Variants in DNAH9 observed in about 807,000 individuals in gnomAD.
DNAH9 encodes the protein dynein axonemal heavy chain 9, also known as DNAH9 variant protein.
In DNAH9, 345 loss-of-function variants were observed where a neutral mutation model predicts 471.6. The ratio of observed to expected loss-of-function variants is 0.73; its 90% CI spans 0.67 to 0.80. The LOEUF is 0.80. DNAH9 is among the 30% of genes least tolerant of loss of function. The pLI is 0.00. For synonymous variants in DNAH9, 2,093 were observed against 2,123.6 expected (o/e 0.99, Z 0.40); for missense variants, 5,407 against 5,609.2 (o/e 0.96, Z 1.15).
chr17:11,883,478 C>G, intron 55 of DNAH9, 108 bp from the exon 56 acceptor site: 2 of 1,383,712 alleles, frequency 1.4e-6, no homozygotes. Flanking sequence ...CATTCTGCCT[C>G]CACTTTACTA....
In DNAH9 at chr17:11,892,234, T is replaced by G. The variant is rs1243950926; in HGVS notation, c.11283+287T>G. On this transcript the variant is annotated intron_variant, in intron 58 of 68. Transcript: ENST00000262442. The surrounding 1 kb of genome is among the most constrained non-coding windows in gnomAD (Gnocchi z 4.3). ...CACTCCAGCAGCCACTACCAATCAA[T>G]CAAAACTGGCACTGAAGATGAAACT... 6.6e-6 allele frequency among the ~76,000 whole-genome samples: 1 copy of G among 152,140 alleles called. No individual in the cohort carries two copies. Among genetic ancestry groups the G allele is most frequent in the African/African-American group, 2.4e-5 (1 of 41,422 alleles).
chr17:11,882,061 A>G (rs1363257325), intron 55 of DNAH9, among the ~76,000 whole-genome samples: 1 of 152,262 alleles, frequency 6.6e-6, no homozygotes, highest in East Asian at 1.9e-4. Context: ...ACTAGGTCCA[A>G]CAGTGTTAGG....
intron 39 of DNAH9, among the ~76,000 whole-genome samples, chr17:11,781,725 G>A (rs983938283): frequency 3.4e-4 from 51 of 151,876 alleles, no homozygotes; most frequent in Non-Finnish European, 4.0e-4. Flanking sequence ...CCAGCTACTC[G>A]GGAGGCTGAG....
rs558183570 is a variant in DNAH9, at chr17:11,608,202, G to A, written c.491G>A (p.Arg164Gln). Residue 164 changes from arginine (R) to glutamine (Q), a missense_variant, in exon 2 of 69, where the codon CGG becomes CAG. Physicochemically the swap from Arg to Gln is conservative, Grantham distance 43 (BLOSUM62 1). Coordinates refer to ENST00000262442, the MANE Select transcript of DNAH9 (RefSeq NM_001372.4). ...CACATGATATGTGAGGATGTCAGGC[G>A]GCACGCCCACAGCCTCCAATGTGAC... ...WPHMICEDVRRHAHSLQCDLS... is the reference protein window; with the variant it reads ...WPHMICEDVRQHAHSLQCDLS... 185 of 1,613,904 alleles carry A rather than the reference G, an allele frequency of 1.1e-4. 1 individual carries two copies. Among genetic ancestry groups the A allele is most frequent in the South Asian group, 5.7e-4 (52 of 91,058 alleles).
rs1194655834 is a variant in DNAH9 at position 11,693,969 on chromosome 17, G to A, written c.4716G>A (p.Leu1572=). Residue 1572 remains leucine (L), a synonymous_variant, in exon 21 of 69, where the codon CTG becomes CTA. Transcript: ENST00000262442. ...TGCAAACCACCAACAAGCCAGGCCT[G>A]TATGAAAAGCTGGAGGATATTCAGG... The part of the protein sequence containing the change: ...NVVQTTNKPG[L]YEKLEDIQGR... 2 of 1,614,166 alleles carry A rather than the reference G, an allele frequency of 1.2e-6. No individual in the cohort carries two copies. The highest frequency in any genetic ancestry group is 1.3e-5 in the African/African-American group (1 of 75,052).
chr17:11,742,095 C>G, intron 29 of DNAH9, 80 bp from the exon 30 acceptor site: 1 of 1,318,086 alleles, frequency 7.6e-7, no homozygotes, highest in East Asian at 2.4e-5. Flanking sequence ...GTGATCTCGG[C>G]CAGTGCTTAT....
At chr17:11,905,397 GGCT>G (rs1973560147) in intron 60 of DNAH9, among the ~76,000 whole-genome samples, 1 of 152,160 alleles carries the variant, frequency 6.6e-6, no homozygotes, top group South Asian at 2.1e-4. Context: ...GAAGCCACCA[GGCT>G]CCCCTGAGGG....
At chr17:11,874,853 TA>T in intron 52 of DNAH9, 95 bp from the exon 53 acceptor site, 1 of 866,470 alleles carries the variant, frequency 1.2e-6, no homozygotes, top group Non-Finnish European at 1.9e-6. Context: ...ATCTTGCTTT[TA>T]AAGGAGTTGT....
At chr17:11,756,479 C>A in intron 33 of DNAH9, 89 bp from the exon 34 acceptor site, 2 of 788,064 alleles carry the variant, frequency 2.5e-6, no homozygotes, top group South Asian at 1.4e-5. Context: ...ATAATCCCAA[C>A]CAAACCAATA....
chr17:11,801,371 A>G (rs551015868), intron 43 of DNAH9, among the ~76,000 whole-genome samples: 134 of 152,290 alleles, frequency 8.8e-4, no homozygotes, highest in South Asian at 2.1e-3. Flanking sequence ...CCTAGTGCAT[A>G]GTAGGGTTCA....
chr17:11,717,154 G>A (rs775508786), intron 26 of DNAH9, among the ~76,000 whole-genome samples: 22 of 152,340 alleles, frequency 1.4e-4, no homozygotes, highest in Non-Finnish European at 2.6e-4. Flanking sequence ...GGTCTGAAGG[G>A]CAACATTCAG....
chr17:11,929,821 T>A, intron 62 of DNAH9, 45 bp from the exon 63 acceptor site: 1 of 1,535,810 alleles, frequency 6.5e-7, no homozygotes, highest in Non-Finnish European at 8.9e-7. Flanking sequence ...CTAACAGAGC[T>A]AAGCAGATGC....
chr17:11,723,958 C>A (rs1342628243), intron 27 of DNAH9, among the ~76,000 whole-genome samples: 5 of 152,282 alleles, frequency 3.3e-5, no homozygotes, highest in Admixed American at 1.3e-4. Flanking sequence ...CAGGCGTGAG[C>A]CACTGTGCCC....
rs780279236 is a variant in DNAH9, at chr17:11,902,889, C to T, written c.11577C>T (p.Pro3859=). 2.4e-5 allele frequency: 39 copies of T among 1,613,468 alleles called. No individual in the cohort carries two copies. Among genetic ancestry groups the T allele is most frequent in the Non-Finnish European group, 2.7e-5 (32 of 1,179,830 alleles). ...TCTGCATGCTGAGAGCCATGCGGCC[C>T]GACCGGATGACCTATGCTTTGCGGT... The part of the protein sequence containing the change: ...QRLCMLRAMR[P]DRMTYALRDF... Residue 3859 remains proline (P), a synonymous_variant, in exon 60 of 69, where the codon CCC becomes CCT. Transcript: ENST00000262442.
chr17:11,667,426 T>C (rs898891348), intron 15 of DNAH9, among the ~76,000 whole-genome samples: 1 of 152,162 alleles, frequency 6.6e-6, no homozygotes, highest in Non-Finnish European at 1.5e-5. Flanking sequence ...TCCCTTAAGT[T>C]AAATATTGGG....
intron 22 of DNAH9, 83 bp from the exon 23 acceptor site, chr17:11,699,648 C>A: frequency 8.0e-7 from 1 of 1,255,930 alleles, no homozygotes; most frequent in Non-Finnish European, 1.2e-6. Context: ...ACAATGATTG[C>A]CACATGGTAG....
intron 49 of DNAH9, among the ~76,000 whole-genome samples, chr17:11,848,602 A>C (rs1411938944): frequency 6.6e-6 from 1 of 152,082 alleles, no homozygotes; most frequent in Non-Finnish European, 1.5e-5. Context: ...TTGTACAAAG[A>C]ATACTAAAAA....
At chr17:11,718,718 A>G (rs1444464136) in intron 26 of DNAH9, among the ~76,000 whole-genome samples, 1 of 152,198 alleles carries the variant, frequency 6.6e-6, no homozygotes, top group Admixed American at 6.5e-5. Flanking sequence ...TAAACAATGA[A>G]TAAGATATAG....
chr17:11,905,535 C>G, intron 60 of DNAH9, 126 bp from the exon 61 acceptor site: 1 of 1,014,096 alleles, frequency 9.9e-7, no homozygotes. Context: ...CCAGTCCTAG[C>G]TCTATAACTA....
Sources: allele counts gnomAD v4.1 joint callset (sites outside exome capture counted in the v4.1 genomes callset), GRCh38; gene constraint gnomAD v4.1.1; non-coding constraint Gnocchi (gnomAD v3.1); transcripts MANE v1.5; gene names NCBI Gene and HGNC (gene_info 2026-07-23, HGNC 2026-07-21).